FUT8: variants seen among roughly 807,000 people sequenced by gnomAD.
FUT8 encodes the protein alpha-(1,6)-fucosyltransferase.
A neutral mutation model predicts 71.3 loss-of-function variants in FUT8; 29 were observed. That is an observed-to-expected ratio of 0.41 (90% CI 0.30 to 0.55). The LOEUF (loss-of-function observed/expected upper bound fraction) is 0.55, where lower values mean the gene tolerates loss of function less well. Among genes scored for constraint, FUT8 ranks in the 20% least tolerant of loss-of-function variants. FUT8 has a pLI of 0.34. For missense variants in FUT8, 544 were observed against 702.1 expected (o/e 0.77, Z 2.55); for synonymous variants, 254 against 239.3 (o/e 1.06, Z -0.57).
At chr14:65,524,647 G>T (rs1883321490) in intron 2 of FUT8, among the ~76,000 whole-genome samples, 1 of 152,148 alleles carries the variant, frequency 6.6e-6, no homozygotes, top group Non-Finnish European at 1.5e-5. Flanking sequence ...TCCCTGTCTT[G>T]TGCCAGTTTT....
At chr14:65,471,154 A>T (rs1012766518) in intron 2 of FUT8, 1 of 313,992 alleles carries the variant, frequency 3.2e-6, no homozygotes, top group Non-Finnish European at 6.3e-6. Context: ...AGATCTCAGG[A>T]CTATAGAACT....
chr14:65,575,625 C>G (rs1224596933), intron 3 of FUT8, among the ~76,000 whole-genome samples: 1 of 123,706 alleles, frequency 8.1e-6, no homozygotes, highest in African/African-American at 3.0e-5. Context: ...CTTCCTTCCT[C>G]TTTTTTTTTT....
chr14:65,541,673 A>G (rs1884687273), intron 2 of FUT8, among the ~76,000 whole-genome samples: 1 of 152,170 alleles, frequency 6.6e-6, no homozygotes, highest in Non-Finnish European at 1.5e-5. Flanking sequence ...TACTAATTCA[A>G]ATGCTAATCT....
intron 1 of FUT8, among the ~76,000 whole-genome samples, chr14:65,443,506 G>C (rs2065693412): frequency 6.6e-6 from 1 of 151,656 alleles, no homozygotes; most frequent in African/African-American, 2.4e-5. Flanking sequence ...GATTACTTGA[G>C]GCCAGGAGTT....
At chr14:65,646,558 G>A (rs771655628) in intron 6 of FUT8, 4 of 152,116 alleles carry the variant, frequency 2.6e-5, no homozygotes, top group African/African-American at 9.7e-5. Flanking sequence ...GCCTACAATT[G>A]TGTATCAACT....
Position 65,521,547 on chromosome 14 carries a change from G to A in FUT8, c.-227-39790G>A, listed in dbSNP as rs140346869. ...ACTAAGAAGGTGATAGTTGAGTGAT[G>A]CTCTGAATTTGGTGAGGGACATAGC... On this transcript the variant is annotated intron_variant, in intron 2 of 10. Transcript: ENST00000673929. Among the ~76,000 whole-genome samples, 529 of 152,292 alleles carry A rather than the reference G, an allele frequency of 3.5e-3. 2 individuals carry two copies. Among genetic ancestry groups the A allele is most frequent in the African/African-American group, 0.012 (502 of 41,564 alleles).
chr14:65,572,802 C>T (rs752623612), intron 3 of FUT8, among the ~76,000 whole-genome samples: 15 of 152,032 alleles, frequency 9.9e-5, no homozygotes, highest in Non-Finnish European at 1.6e-4. Context: ...ATACCTGAGG[C>T]AAAATATGTG....
At chr14:65,631,677 C>T (rs1451856631) in intron 6 of FUT8, among the ~76,000 whole-genome samples, 1 of 151,436 alleles carries the variant, frequency 6.6e-6, no homozygotes. Context: ...TAGGGACAAT[C>T]TCAGTAGAAA....
intron 7 of FUT8, among the ~76,000 whole-genome samples, chr14:65,671,005 G>A (rs1892449710): frequency 6.6e-6 from 1 of 151,996 alleles, no homozygotes; most frequent in South Asian, 2.1e-4. Flanking sequence ...TACTTTTCAC[G>A]GCTAGTGCCA....
rs895987127 is a variant in FUT8, at chr14:65,623,307, A to G, written c.483-6185A>G. Reference sequence around the variant, plus strand: ...TTTTTTTTTTAATAGTTTTATGACTATTGAAATAGAAAACTAGAGAAATTA... The same window carrying G: ...TTTTTTTTTTAATAGTTTTATGACTGTTGAAATAGAAAACTAGAGAAATTA... On this transcript the variant is annotated intron_variant, in intron 5 of 10. Transcript: ENST00000673929. Among the ~76,000 whole-genome samples, 19 of 152,244 alleles carry G rather than the reference A, an allele frequency of 1.2e-4. No individual in the cohort carries two copies. The East Asian group carries it at 1.9e-3, about 15-fold the overall frequency.
intron 5 of FUT8, among the ~76,000 whole-genome samples, chr14:65,619,091 A>C (rs1889465421): frequency 6.6e-6 from 1 of 152,208 alleles, no homozygotes; most frequent in Admixed American, 6.5e-5. Context: ...GTTGGTGTCC[A>C]CAGAGATTTG....
intron 6 of FUT8, among the ~76,000 whole-genome samples, chr14:65,651,463 A>G (rs1437246391): frequency 1.3e-5 from 2 of 152,230 alleles, no homozygotes; most frequent in Admixed American, 6.5e-5. Context: ...TTGCCTATCA[A>G]AGTAGAAAAT....
intron 7 of FUT8, among the ~76,000 whole-genome samples, chr14:65,672,404 A>G (rs1892517483): frequency 6.6e-6 from 1 of 152,126 alleles, no homozygotes; most frequent in Non-Finnish European, 1.5e-5. Context: ...TCAAAATGGG[A>G]ATCTTGCCTT....
At chr14:65,471,066 C>T in intron 2 of FUT8, 1 of 465,726 alleles carries the variant, frequency 2.1e-6, no homozygotes, top group Non-Finnish European at 4.4e-6. Flanking sequence ...AAGTTGTAAT[C>T]CTGTGTTGTA....
intron 6 of FUT8, among the ~76,000 whole-genome samples, chr14:65,642,647 C>T (rs1218327858): frequency 6.7e-6 from 1 of 150,070 alleles, no homozygotes; most frequent in African/African-American, 2.4e-5. Context: ...ACATGTGTGT[C>T]ATGTGTGTCT....
the FUT8 span, among the ~76,000 whole-genome samples, chr14:65,385,675 C>T: frequency 1.3e-5 from 2 of 151,988 alleles, no homozygotes; most frequent in African/African-American, 4.8e-5. Context: ...ATTGTCTTAG[C>T]AATTATGAGT....
upstream of FUT8, among the ~76,000 whole-genome samples, chr14:65,407,227 G>A (rs1595331942): frequency 6.6e-6 from 1 of 152,132 alleles, no homozygotes; most frequent in South Asian, 2.1e-4. Flanking sequence ...TCTATCCTAA[G>A]TTGGAAACTA....
chr14:65,541,532 G>C (rs1428807971), intron 2 of FUT8, among the ~76,000 whole-genome samples: 5 of 152,192 alleles, frequency 3.3e-5, no homozygotes, highest in African/African-American at 1.2e-4. Context: ...GAGAGCAGGA[G>C]GTGAAAGTAC....
chr14:65,385,269 G>A, the FUT8 span, among the ~76,000 whole-genome samples: 4 of 152,044 alleles, frequency 2.6e-5, no homozygotes, highest in Non-Finnish European at 4.4e-5. Flanking sequence ...CCTGGCAAGG[G>A]TCTAAAAATC....
Sources: allele counts gnomAD v4.1 joint callset (sites outside exome capture counted in the v4.1 genomes callset), GRCh38; gene constraint gnomAD v4.1.1; transcripts MANE v1.5; gene names NCBI Gene and HGNC (gene_info 2026-07-23, HGNC 2026-07-21).